KCNB2: variants seen among roughly 807,000 people sequenced by gnomAD.
KCNB2 encodes the protein potassium voltage-gated channel subfamily B member 2, also known as delayed rectifier potassium channel protein.
In KCNB2, 15 loss-of-function variants were observed where a neutral mutation model predicts 61.5. That is an observed-to-expected ratio of 0.24 (90% confidence interval 0.16 to 0.38). The LOEUF (loss-of-function observed/expected upper bound fraction) is 0.38. Ranked by LOEUF, KCNB2 falls within the 10% of genes least tolerant of loss-of-function variation. The pLI, the probability that KCNB2 is intolerant of heterozygous loss-of-function variation, is 1.00. For synonymous variants in KCNB2, 457 were observed against 446.0 expected, an observed-to-expected ratio of 1.02 and a Z score of -0.31; for missense variants, 828 against 1,125.2, an observed-to-expected ratio of 0.74 and a Z score of 3.78.
rs1806947682 is a variant in KCNB2 at position 72,937,588 on chromosome 8, T to C, written c.2233T>C (p.Ser745Pro). The change falls in exon 3 of 3, where the codon TCG becomes CCG. Residue 745 changes from serine to proline, a missense_variant. Transcript: ENST00000523207. ...ACTGCCAGTCACCACAGCTGACTTT[T>C]CGCTCACTACCCCGCAGCACATCAG... ...RPLPVTTADF[S>P]LTTPQHISTI... is the part of the protein sequence containing the mutation. 1 of 1,613,790 alleles carries C rather than the reference T, an allele frequency of 6.2e-7. No individual in the cohort carries two copies. The highest frequency in any genetic ancestry group is 8.5e-7 in the Non-Finnish European group (1 of 1,179,990).
chr8:72,918,464 T>C (rs139781564), intron 2 of KCNB2, among the ~76,000 whole-genome samples: 292 of 152,324 alleles, frequency 1.9e-3, no homozygotes, highest in Middle Eastern at 6.8e-3. Flanking sequence ...AAAGAAAGCC[T>C]AAGGGCCACA....
intron 2 of KCNB2, among the ~76,000 whole-genome samples, chr8:72,587,272 A>G (rs1760502345): frequency 3.3e-5 from 5 of 152,116 alleles, no homozygotes; most frequent in Admixed American, 3.3e-4. Flanking sequence ...CCGAGACTGA[A>G]AGCTTCTTGA....
At chr8:72,743,850 G>GAAGCGAGACTCCGTCTC (rs1563577294) in intron 2 of KCNB2, among the ~76,000 whole-genome samples, 1 of 152,000 alleles carries the variant, frequency 6.6e-6, no homozygotes, top group African/African-American at 2.4e-5. Flanking sequence ...TTTGCCCTTA[G>GAAGCGAGACTCCGTCTC]AAAAATATGA....
chr8:72,883,326 GTC>G (rs2129005286), intron 2 of KCNB2, among the ~76,000 whole-genome samples: 1 of 152,300 alleles, frequency 6.6e-6, no homozygotes, highest in Non-Finnish European at 1.5e-5. Context: ...CGTAACTACA[GTC>G]TCTGCAGAGG....
intron 1 of KCNB2, among the ~76,000 whole-genome samples, chr8:72,556,603 C>T (rs1398063619): frequency 6.6e-6 from 1 of 152,098 alleles, no homozygotes. Context: ...AAAAATCAAG[C>T]ATACAATCGA....
chr8:72,549,431 T>A (rs1806310152), intron 1 of KCNB2, among the ~76,000 whole-genome samples: 1 of 152,178 alleles, frequency 6.6e-6, no homozygotes, highest in Non-Finnish European at 1.5e-5. Flanking sequence ...CGACCAGTTC[T>A]TAAACATCTT....
intron 2 of KCNB2, among the ~76,000 whole-genome samples, chr8:72,770,680 G>A (rs1208800691): frequency 1.3e-5 from 2 of 152,046 alleles, no homozygotes; most frequent in Non-Finnish European, 2.9e-5. Context: ...GCTGTTGTGG[G>A]GATTAAATGG....
chr8:72,731,185 A>G (rs1212153437), intron 2 of KCNB2, among the ~76,000 whole-genome samples: 1 of 152,240 alleles, frequency 6.6e-6, no homozygotes, highest in Non-Finnish European at 1.5e-5. Flanking sequence ...AGAGGAAAAC[A>G]TCTTGCATCG....
intron 2 of KCNB2, among the ~76,000 whole-genome samples, chr8:72,649,379 C>A (rs1806179609): frequency 1.3e-5 from 2 of 151,982 alleles, no homozygotes; most frequent in South Asian, 4.1e-4. Flanking sequence ...AGTCATGAGC[C>A]CTTTGGATTT....
chr8:72,913,730 C>T (rs1345829198), intron 2 of KCNB2, among the ~76,000 whole-genome samples: 4 of 152,216 alleles, frequency 2.6e-5, no homozygotes, highest in Non-Finnish European at 5.9e-5. Flanking sequence ...GTCTGGAGTT[C>T]CAGGATCAGA....
At chr8:72,564,137 T>A (rs1258077510) in intron 1 of KCNB2, among the ~76,000 whole-genome samples, 1 of 152,192 alleles carries the variant, frequency 6.6e-6, no homozygotes, top group Non-Finnish European at 1.5e-5. Context: ...TCTCTTCTCT[T>A]GAGACACACA....
At chr8:72,682,658 A>G (rs1220595547) in intron 2 of KCNB2, among the ~76,000 whole-genome samples, 1 of 152,020 alleles carries the variant, frequency 6.6e-6, no homozygotes, top group Non-Finnish European at 1.5e-5. Context: ...CGGTGGCACA[A>G]TCATGGCTCA....
In KCNB2 at chr8:72,664,892, A is replaced by G. The variant is rs541031022; in HGVS notation, c.579+96579A>G. Among the ~76,000 whole-genome samples the G allele has an allele frequency of 7.9e-5, 12 of 152,340 alleles. 1 individual carries two copies. The South Asian group carries it at 2.3e-3, about 29-fold the overall frequency. On this transcript the variant is annotated intron_variant, in intron 2 of 2. Transcript: ENST00000523207. ...AAGGCTGTGGAAGCAAACCATGTCG[A>G]GATAGGCTAAGGAAACAGCAAAGAC...
chr8:72,617,172 C>G (rs1805632272), intron 2 of KCNB2, among the ~76,000 whole-genome samples: 1 of 152,166 alleles, frequency 6.6e-6, no homozygotes, highest in South Asian at 2.1e-4. Context: ...CTTTTCTTAG[C>G]TAGGAGGTAT....
intron 2 of KCNB2, among the ~76,000 whole-genome samples, chr8:72,717,133 C>T (rs1027537168): frequency 6.6e-6 from 1 of 152,136 alleles, no homozygotes; most frequent in African/African-American, 2.4e-5. Context: ...TCAAGGAGAA[C>T]TACAAATCAC....
At chr8:72,892,992 G>A (rs147719202) in intron 2 of KCNB2, among the ~76,000 whole-genome samples, 1 of 151,874 alleles carries the variant, frequency 6.6e-6, no homozygotes, top group Admixed American at 6.6e-5. Flanking sequence ...TAATGATTTT[G>A]TCCTGGACTA....
chr8:72,765,155 C>G (rs1808441946), intron 2 of KCNB2, among the ~76,000 whole-genome samples: 3 of 152,198 alleles, frequency 2.0e-5, no homozygotes, highest in African/African-American at 7.2e-5. Context: ...TAAACTTTCA[C>G]TCATTATTCC....
intron 2 of KCNB2, among the ~76,000 whole-genome samples, chr8:72,748,879 C>G (rs1171082665): frequency 6.6e-6 from 1 of 152,016 alleles, no homozygotes; most frequent in Non-Finnish European, 1.5e-5. Context: ...AATCTATTCT[C>G]TTTGCAATTT....
chr8:72,684,042 G>T (rs549013766), intron 2 of KCNB2, among the ~76,000 whole-genome samples: 1 of 152,212 alleles, frequency 6.6e-6, no homozygotes, highest in South Asian at 2.1e-4. Context: ...ACATTAGAAG[G>T]TAAGAGCTGG....
Sources: allele counts gnomAD v4.1 joint callset (sites outside exome capture counted in the v4.1 genomes callset), GRCh38; gene constraint gnomAD v4.1.1; transcripts MANE v1.5; gene names NCBI Gene and HGNC (gene_info 2026-07-23, HGNC 2026-07-21).